Variants in TRIM37 observed in about 807,000 individuals in gnomAD.
The protein encoded by TRIM37 is E3 ubiquitin-protein ligase TRIM37.
Under a neutral mutation model 129.8 loss-of-function variants are expected in TRIM37, and 80 were observed. The ratio of observed to expected loss-of-function variants is 0.62; its 90% CI spans 0.51 to 0.74. TRIM37 has a LOEUF of 0.74. Among genes scored for constraint, TRIM37 ranks in the 30% least tolerant of loss-of-function variants. The pLI, the probability that TRIM37 is intolerant of heterozygous loss-of-function variation, is 0.00. For missense variants in TRIM37, 1,054 were observed against 1,176.5 expected (o/e 0.90, Z 1.52); for synonymous variants, 389 against 387.1 (o/e 1.00, Z -0.06).
chr17:58,986,736 T>C (rs574350817), intron 24 of TRIM37, among the ~76,000 whole-genome samples: 1 of 152,290 alleles, frequency 6.6e-6, no homozygotes, highest in Non-Finnish European at 1.5e-5. Flanking sequence ...CTTGAACACC[T>C]GACCTCAAGT....
At position 59,049,051 on chromosome 17, in the gene TRIM37, C is replaced by A. The variant is rs1318022307; in HGVS notation, c.1530+127G>T. 1.8e-5 allele frequency: 14 copies of A among 759,820 alleles called. No individual in the cohort carries two copies. The Admixed American group carries it at 2.9e-4, about 16-fold the overall frequency. The allele number at this position is 759,820 out of a possible 1,614,324, so 47.1% of individuals were successfully genotyped here. On this transcript the variant is annotated intron_variant, in intron 15 of 23. Transcript: ENST00000262294. ...TAACATTTACATAAGGGCATACATA[C>A]ATTACTAATGGAAATCAATGGACAA...
At chr17:59,058,208 C>T (rs183350527) in intron 12 of TRIM37, among the ~76,000 whole-genome samples, 70 of 152,264 alleles carry the variant, frequency 4.6e-4, no homozygotes, top group Middle Eastern at 3.4e-3. Context: ...TAAAAAAGAA[C>T]GAGATTATGT....
At chr17:59,098,890 A>C (rs554931858) in intron 2 of TRIM37, among the ~76,000 whole-genome samples, 1 of 152,214 alleles carries the variant, frequency 6.6e-6, no homozygotes, top group South Asian at 2.1e-4. Flanking sequence ...AAGAGATAAA[A>C]ATGGATAAAT....
intron 13 of TRIM37, 127 bp downstream of exon 13, chr17:59,056,748 G>GTGAAAA: frequency 1.6e-5 from 1 of 61,588 alleles, no homozygotes; most frequent in Non-Finnish European, 3.7e-5. Context: ...AAAAAAAAAA[G>GTGAAAA]GTGATAAGGT....
intron 4 of TRIM37, among the ~76,000 whole-genome samples, chr17:59,084,892 T>C (rs1206824080): frequency 6.6e-6 from 1 of 152,204 alleles, no homozygotes; most frequent in Non-Finnish European, 1.5e-5. Context: ...CCAACACTGC[T>C]AGCATTTAAT....
At chr17:58,969,347 A>C in the TRIM37 span, 2 of 698,152 alleles carry the variant, frequency 2.9e-6, no homozygotes, top group Non-Finnish European at 5.2e-6. Context: ...GTGTGTAAAC[A>C]CAGATACCCT....
At chr17:58,992,291 A>G (rs1422615728) in intron 24 of TRIM37, among the ~76,000 whole-genome samples, 2 of 136,064 alleles carry the variant, frequency 1.5e-5, no homozygotes, top group Non-Finnish European at 3.1e-5. Flanking sequence ...TTATATTTAT[A>G]TATATTTATA....
the TRIM37 span, among the ~76,000 whole-genome samples, chr17:58,973,950 T>C: frequency 2.3e-5 from 1 of 44,098 alleles, no homozygotes; most frequent in Non-Finnish European, 3.8e-5. Context: ...AGACTCCATC[T>C]CAAAAAAAAA....
chr17:59,090,186 A>G (rs187138299), intron 3 of TRIM37: 2 of 152,336 alleles, frequency 1.3e-5, no homozygotes, highest in East Asian at 3.9e-4. Context: ...AAAAGTAGAG[A>G]TAACCTAAAT....
At chr17:59,069,959 T>A (rs1010465160) in intron 9 of TRIM37, among the ~76,000 whole-genome samples, 7 of 152,242 alleles carry the variant, frequency 4.6e-5, no homozygotes, top group Non-Finnish European at 1.0e-4. Flanking sequence ...GATCTTGGAA[T>A]TCTTGTTTCT....
Position 59,104,357 on chromosome 17 carries a change from T to C in TRIM37, c.59A>G (p.Glu20Gly), listed in dbSNP as rs779069586. ...AEVFRCFICM[E>G]KLRDARLCPH... ...ACACAGGCGTGCATCCCGCAATTTC[T>C]CCATACAAATGAAACATCGGAAAAC... Residue 20 changes from glutamate (E) to glycine (G), a missense_variant, in exon 2 of 24, where the codon GAG becomes GGG. By Grantham distance (98) the Glu-to-Gly change is moderately conservative. This residue lies in a region of TRIM37 where 752 missense variants were observed against 870.8 expected (regional missense o/e 0.86). Transcript: ENST00000262294. The C allele has an allele frequency of 2.5e-6, 4 of 1,614,034 alleles. No individual in the cohort carries two copies. The African/African-American group carries it at 4.0e-5, about 16-fold the overall frequency.
At chr17:59,017,948 T>C (rs1460808587) in intron 19 of TRIM37, among the ~76,000 whole-genome samples, 1 of 152,138 alleles carries the variant, frequency 6.6e-6, no homozygotes, top group Non-Finnish European at 1.5e-5. Flanking sequence ...ACTTAAAAGA[T>C]TATCTGTGAG....
At chr17:59,004,923 CAAAA>C (rs895616086) in intron 22 of TRIM37, among the ~76,000 whole-genome samples, 1 of 151,210 alleles carries the variant, frequency 6.6e-6, no homozygotes, top group South Asian at 2.1e-4. Flanking sequence ...TTCAGCAAAA[CAAAA>C]AAACAAAAAA....
intron 2 of TRIM37, among the ~76,000 whole-genome samples, chr17:59,101,151 T>C (rs1293639800): frequency 3.3e-5 from 5 of 152,168 alleles, no homozygotes. Flanking sequence ...CAATCAATAT[T>C]TGCTGAATGA....
chr17:59,083,472 C>G (rs1339013632), intron 5 of TRIM37, among the ~76,000 whole-genome samples: 1 of 151,028 alleles, frequency 6.6e-6, no homozygotes, highest in African/African-American at 2.4e-5. Flanking sequence ...CAACAGAACA[C>G]GACTTTAAAA....
chr17:59,056,003 T>G (rs546646076), intron 13 of TRIM37, among the ~76,000 whole-genome samples: 1 of 152,324 alleles, frequency 6.6e-6, no homozygotes, highest in South Asian at 2.1e-4. Context: ...TAATTTGCTG[T>G]TATTGACAAA....
chr17:59,068,044 A>T (rs929123511), intron 9 of TRIM37, among the ~76,000 whole-genome samples: 6 of 152,230 alleles, frequency 3.9e-5, no homozygotes, highest in Non-Finnish European at 7.3e-5. Flanking sequence ...AATGTCACGA[A>T]TGCTGATCTT....
At chr17:59,012,266 C>A in intron 22 of TRIM37, 62 bp downstream of exon 22, 1 of 1,171,582 alleles carries the variant, frequency 8.5e-7, no homozygotes, top group East Asian at 2.3e-5. Flanking sequence ...ACCCACCACC[C>A]ACCACCAAAA....
At chr17:59,046,272 A>T (rs1032659321) in intron 16 of TRIM37, among the ~76,000 whole-genome samples, 2 of 152,184 alleles carry the variant, frequency 1.3e-5, no homozygotes, top group African/African-American at 4.8e-5. Context: ...TTATAAAGGA[A>T]AAAGTACAAA....
Sources: gnomAD v4.1 joint callset for allele counts (sites outside exome capture counted in the v4.1 genomes callset) on GRCh38, gnomAD v4.1.1 for gene constraint, gnomAD v4.1.1 regional missense constraint, MANE v1.5 for transcripts, NCBI Gene and HGNC (gene_info 2026-07-23, HGNC 2026-07-21) for gene names.